NBAS: variants seen among roughly 807,000 people sequenced by gnomAD.
NBAS encodes NAG/BC035112 fusion.
A neutral mutation model predicts 302.5 loss-of-function variants in NBAS; 219 were observed. The observed-to-expected ratio is 0.72, with a 90% CI of 0.65 to 0.81. NBAS has a LOEUF of 0.81. NBAS is among the 30% of genes least tolerant of loss of function. NBAS has a pLI of 0.00. For synonymous variants in NBAS, 1,118 were observed against 1,021.6 expected (o/e 1.09, Z -1.80); for missense variants, 2,932 against 2,841.6 (o/e 1.03, Z -0.72).
chr2:14,800,590 T>G, the NBAS span, among the ~76,000 whole-genome samples: 2 of 152,218 alleles, frequency 1.3e-5, no homozygotes, highest in African/African-American at 4.8e-5. Flanking sequence ...TGATTTAAGG[T>G]ACATAGTACA....
At chr2:15,516,540 T>C (rs886306510) in intron 9 of NBAS, among the ~76,000 whole-genome samples, 11 of 152,046 alleles carry the variant, frequency 7.2e-5, no homozygotes, top group Admixed American at 5.2e-4. Flanking sequence ...CTGGGCAACA[T>C]GGTGAAACCC....
intron 44 of NBAS, among the ~76,000 whole-genome samples, chr2:15,273,194 A>T (rs1215510016): frequency 6.6e-6 from 1 of 152,196 alleles, no homozygotes; most frequent in Non-Finnish European, 1.5e-5. Flanking sequence ...ATCCTGGCTG[A>T]CCTGCTGGCC....
the NBAS span, among the ~76,000 whole-genome samples, chr2:15,115,493 A>T: frequency 6.6e-6 from 1 of 152,194 alleles, no homozygotes; most frequent in Non-Finnish European, 1.5e-5. Flanking sequence ...ATATGCAAAA[A>T]AAATTATTTA....
At chr2:15,541,789 G>A (rs553497442) in intron 6 of NBAS, among the ~76,000 whole-genome samples, 3 of 108,266 alleles carry the variant, frequency 2.8e-5, no homozygotes, top group African/African-American at 3.4e-5. Flanking sequence ...CAGTCGCCCC[G>A]TCCGGGAGGG....
chr2:15,104,620 C>A, the NBAS span, among the ~76,000 whole-genome samples: 1 of 151,882 alleles, frequency 6.6e-6, no homozygotes, highest in African/African-American at 2.4e-5. Context: ...CTTAAGGAAT[C>A]GCCACACTGT....
intron 12 of NBAS, among the ~76,000 whole-genome samples, chr2:15,481,266 G>A (rs1680415668): frequency 6.6e-6 from 1 of 152,124 alleles, no homozygotes; most frequent in South Asian, 2.1e-4. Context: ...TTTAGCTGTT[G>A]TAAACACTGC....
chr2:15,207,136 G>A (rs372797177), intron 48 of NBAS, among the ~76,000 whole-genome samples: 2 of 152,234 alleles, frequency 1.3e-5, no homozygotes, highest in South Asian at 2.1e-4. Context: ...AAGCAGAGCT[G>A]CCCATGGCTT....
At chr2:15,077,140 G>T in the NBAS span, among the ~76,000 whole-genome samples, 1 of 152,160 alleles carries the variant, frequency 6.6e-6, no homozygotes. Context: ...GAGGCCTCAG[G>T]AAACTTACAA....
chr2:15,225,396 G>A (rs79734661), intron 47 of NBAS, among the ~76,000 whole-genome samples: 1 of 152,228 alleles, frequency 6.6e-6, no homozygotes, highest in South Asian at 2.1e-4. Context: ...GAAACATAAG[G>A]CCTCATGCAC....
chr2:14,856,096 A>ACC, the NBAS span, among the ~76,000 whole-genome samples: 3 of 151,938 alleles, frequency 2.0e-5, no homozygotes, highest in South Asian at 6.2e-4. Context: ...AGAGAGAGAG[A>ACC]CCCCAAACAT....
chr2:14,911,806 T>A, the NBAS span, among the ~76,000 whole-genome samples: 6 of 152,236 alleles, frequency 3.9e-5, no homozygotes, highest in Non-Finnish European at 7.3e-5. Flanking sequence ...CTGAACAAGT[T>A]GCTTAACTTC....
At chr2:14,982,127 T>C in the NBAS span, among the ~76,000 whole-genome samples, 1 of 152,294 alleles carries the variant, frequency 6.6e-6, no homozygotes, top group South Asian at 2.1e-4. Context: ...GCTGCTGTCC[T>C]GTGAAAAGTC....
At chr2:15,327,539 T>G (rs997425189) in intron 38 of NBAS, among the ~76,000 whole-genome samples, 1 of 152,176 alleles carries the variant, frequency 6.6e-6, no homozygotes, top group Admixed American at 6.5e-5. Flanking sequence ...AAATCCTCAA[T>G]TTACGTACAA....
the NBAS span, among the ~76,000 whole-genome samples, chr2:15,093,463 T>C: frequency 6.6e-6 from 1 of 152,200 alleles, no homozygotes; most frequent in African/African-American, 2.4e-5. Flanking sequence ...CTCACAAATG[T>C]TGATAACCAT....
the NBAS span, among the ~76,000 whole-genome samples, chr2:15,047,604 G>A: frequency 6.6e-6 from 1 of 151,600 alleles, no homozygotes; most frequent in Admixed American, 6.6e-5. Context: ...GTAAAAGCTG[G>A]ACCCATGCAG....
At position 15,554,222 on chromosome 2, in the gene NBAS, G is replaced by C. The variant is rs1664534482; in HGVS notation, c.210-84C>G. 7.3e-6 allele frequency: 8 copies of C among 1,102,346 alleles called. No individual in the cohort carries two copies. The South Asian group carries it at 1.1e-4, about 15-fold the overall frequency. The allele number at this position is 1,102,346 out of a possible 1,614,324, so 68.3% of individuals were successfully genotyped here. On this transcript the variant is annotated intron_variant, in intron 3 of 51. Coordinates refer to ENST00000281513, the MANE Select transcript of NBAS (RefSeq NM_015909.4). ...GACAAATAGCACATATACTTATAGA[G>C]AGAGACACAGATTTTTTTCCATTAG...
chr2:14,948,033 G>T, the NBAS span, among the ~76,000 whole-genome samples: 275 of 151,962 alleles, frequency 1.8e-3, 1 homozygote, highest in South Asian at 0.014. Context: ...GTCAAATTTG[G>T]TTTGATGGAA....
the NBAS span, among the ~76,000 whole-genome samples, chr2:15,061,191 C>A: frequency 6.6e-6 from 1 of 152,176 alleles, no homozygotes; most frequent in Admixed American, 6.5e-5. Flanking sequence ...CATACATGCA[C>A]GTGCTCACCT....
the NBAS span, among the ~76,000 whole-genome samples, chr2:15,099,099 T>C: frequency 6.6e-6 from 1 of 152,090 alleles, no homozygotes; most frequent in Non-Finnish European, 1.5e-5. Context: ...AGTCAGGAGT[T>C]TGAGACCAGC....
Sources: allele counts gnomAD v4.1 joint callset (sites outside exome capture counted in the v4.1 genomes callset), GRCh38; gene constraint gnomAD v4.1.1; transcripts MANE v1.5; gene names NCBI Gene and HGNC (gene_info 2026-07-23, HGNC 2026-07-21).